PTPRA: variants seen among roughly 807,000 people sequenced by gnomAD.
PTPRA encodes the protein receptor-type tyrosine-protein phosphatase alpha.
In PTPRA, 25 loss-of-function variants were observed where a neutral mutation model predicts 104.8. That is an observed-to-expected ratio of 0.24 (90% CI 0.17 to 0.33). The LOEUF is 0.33. PTPRA is among the 10% of genes least tolerant of loss of function. The probability of loss-of-function intolerance (pLI) is 1.00; values close to 1 mark genes in which losing one functional copy is unlikely to be tolerated. For synonymous variants in PTPRA, 323 were observed against 368.9 expected, an observed-to-expected ratio of 0.88 and a Z score of 1.43; for missense variants, 765 against 1,015.3, an observed-to-expected ratio of 0.75 and a Z score of 3.35.
chr20:2,998,178 A>C (rs1191558159), intron 9 of PTPRA, among the ~76,000 whole-genome samples: 1 of 61,740 alleles, frequency 1.6e-5, no homozygotes. Context: ...ACTCTGTCTC[A>C]AAAAAAAAAA....
chr20:2,943,570 C>T (rs1467171644), intron 2 of PTPRA, among the ~76,000 whole-genome samples: 2 of 152,244 alleles, frequency 1.3e-5, no homozygotes, highest in South Asian at 4.1e-4. Context: ...CCAGAATAAC[C>T]TTTAACCAAA....
chr20:2,988,042 T>C lies in PTPRA; in HGVS notation c.538T>C (p.Tyr180His). ...TCATTTTCTCATTAGGTTTAAGAAA[T>C]ACAAGCAAGCTGGGAGCCATTCCAA... ...IVLYMLRFKK[Y>H]KQAGSHSNSF... The change falls in exon 8 of 24, where the codon TAC becomes CAC. Residue 180 changes from tyrosine to histidine, a missense_variant. Transcript: ENST00000399903. The C allele has an allele frequency of 6.3e-7, 1 of 1,578,568 alleles. No homozygotes were observed.
At chr20:2,945,277 T>C (rs1196015662) in intron 2 of PTPRA, among the ~76,000 whole-genome samples, 1 of 152,244 alleles carries the variant, frequency 6.6e-6, no homozygotes, top group Non-Finnish European at 1.5e-5. Context: ...TGCCTTTTTA[T>C]GGACTAGACA....
At chr20:2,952,724 C>T (rs1330598956) in intron 3 of PTPRA, among the ~76,000 whole-genome samples, 1 of 152,186 alleles carries the variant, frequency 6.6e-6, no homozygotes, top group African/African-American at 2.4e-5. Context: ...ACTTCTCATT[C>T]CCCCTTACTC....
At chr20:3,033,343 C>T (rs900834820) in intron 20 of PTPRA, among the ~76,000 whole-genome samples, 28 of 151,874 alleles carry the variant, frequency 1.8e-4, no homozygotes, top group African/African-American at 5.1e-4. Flanking sequence ...CTCCCCTCTC[C>T]TCACCCCTCA....
Position 3,021,591 on chromosome 20 carries a change from A to G in PTPRA, c.1161+163A>G, listed in dbSNP as rs192760381. 2.0e-5 allele frequency among the ~76,000 whole-genome samples: 3 copies of G among 152,344 alleles called. No individual in the cohort carries two copies. The East Asian group carries it at 5.8e-4, about 29-fold the overall frequency. On this transcript the variant is annotated intron_variant, in intron 14 of 23. Transcript: ENST00000399903. ...CAGGGGAACTTGTCTGTCAAAGCTA[A>G]AGGAGCAGTATTTTCATGACTGGTG...
At chr20:2,988,814 G>A (rs2063017675) in intron 9 of PTPRA, among the ~76,000 whole-genome samples, 1 of 152,218 alleles carries the variant, frequency 6.6e-6, no homozygotes, top group African/African-American at 2.4e-5. Flanking sequence ...TATTCTCAAG[G>A]AACTCACTGT....
chr20:3,026,915 T>A, intron 18 of PTPRA, 135 bp downstream of exon 18: 1 of 953,278 alleles, frequency 1.0e-6, no homozygotes, highest in Non-Finnish European at 1.6e-6. Flanking sequence ...TGCACCCACT[T>A]AACAACATGG....
At chr20:2,916,814 A>C (rs911567721) in intron 1 of PTPRA, among the ~76,000 whole-genome samples, 5 of 152,138 alleles carry the variant, frequency 3.3e-5, no homozygotes, top group African/African-American at 1.2e-4. Context: ...CCATTACCAC[A>C]CAGCTTTGGT....
intron 2 of PTPRA, among the ~76,000 whole-genome samples, chr20:2,943,862 T>G (rs2061021438): frequency 6.6e-6 from 1 of 152,200 alleles, no homozygotes; most frequent in Non-Finnish European, 1.5e-5. Flanking sequence ...TACTTAAGTA[T>G]TATGATCAGC....
intron 6 of PTPRA, among the ~76,000 whole-genome samples, chr20:2,976,930 T>C (rs1172640327): frequency 2.6e-5 from 4 of 152,204 alleles, no homozygotes; most frequent in South Asian, 2.1e-4. Context: ...AGGGCAACTT[T>C]TCTTCCTCTT....
intron 6 of PTPRA, among the ~76,000 whole-genome samples, chr20:2,985,883 C>G (rs1340291863): frequency 2.5e-5 from 3 of 121,434 alleles, no homozygotes; most frequent in Non-Finnish European, 5.2e-5. Flanking sequence ...CCAGCTGTCT[C>G]CTTGTTTGTT....
intron 5 of PTPRA, among the ~76,000 whole-genome samples, chr20:2,972,695 G>T (rs768450444): frequency 1.3e-5 from 2 of 151,902 alleles, no homozygotes; most frequent in Non-Finnish European, 2.9e-5. Flanking sequence ...ACATGGAAAG[G>T]ATTTGAAAGT....
intron 11 of PTPRA, among the ~76,000 whole-genome samples, chr20:3,013,390 T>G (rs2064274462): frequency 6.6e-6 from 1 of 150,738 alleles, no homozygotes; most frequent in Non-Finnish European, 1.5e-5. Flanking sequence ...GTTTCCTTAC[T>G]CATTTTTAGA....
chr20:2,864,521 G>T, the PTPRA span: 2 of 1,614,086 alleles, frequency 1.2e-6, no homozygotes, highest in South Asian at 2.2e-5. This position sits in a 1 kb window ranked among gnomAD's most constrained non-coding sequence, Gnocchi z 5.2. Flanking sequence ...TGGCCTTGCT[G>T]ACTGATTGCC....
rs1261914585 is a variant in PTPRA, at chr20:2,975,236, G to A, written c.437G>A (p.Arg146Lys). 1 of 1,597,104 alleles carries A rather than the reference G, an allele frequency of 6.3e-7. No individual in the cohort carries two copies. Among genetic ancestry groups the A allele is most frequent in the Non-Finnish European group, 8.6e-7 (1 of 1,166,274 alleles). Residue 146 changes from arginine to lysine, a missense_variant, in exon 6 of 24, where the codon AGA becomes AAA. This residue lies in a region of PTPRA where 256 missense variants were observed against 248.9 expected (regional missense o/e 1.03). Transcript: ENST00000399903. ...PPSGNSDSKD[R>K]RDETPIIAVM... ...ACAGGTAATTCTGACTCGAAGGACA[G>A]AAGAGGTGAGCTGCTCACCTTATAT...
intron 3 of PTPRA, among the ~76,000 whole-genome samples, chr20:2,961,910 A>G (rs1310268463): frequency 6.6e-6 from 1 of 152,140 alleles, no homozygotes; most frequent in African/African-American, 2.4e-5. Flanking sequence ...TCAGTTGACT[A>G]TATTTATGTG....
chr20:2,868,172 A>G, the PTPRA span, among the ~76,000 whole-genome samples: 1 of 152,206 alleles, frequency 6.6e-6, no homozygotes, highest in Non-Finnish European at 1.5e-5. Flanking sequence ...CAAGCATCCC[A>G]AGAGGGTGCC....
intron 1 of PTPRA, among the ~76,000 whole-genome samples, chr20:2,918,226 C>G (rs561576349): frequency 3.5e-4 from 53 of 151,926 alleles, no homozygotes; most frequent in South Asian, 6.2e-4. Context: ...ACAGGGTGAC[C>G]AGGCTAAACT....
Sources: allele counts gnomAD v4.1 joint callset (sites outside exome capture counted in the v4.1 genomes callset), GRCh38; gene constraint gnomAD v4.1.1; regional missense constraint gnomAD v4.1.1; non-coding constraint Gnocchi (gnomAD v3.1); transcripts MANE v1.5; gene names NCBI Gene and HGNC (gene_info 2026-07-23, HGNC 2026-07-21).